Variants in SPON1 observed in about 807,000 individuals in gnomAD.
SPON1 encodes spondin-1.
SPON1 carries 52 observed loss-of-function variants against 111.7 expected under a neutral mutation model. The ratio of observed to expected loss-of-function variants is 0.47; its 90% CI spans 0.37 to 0.59. The LOEUF is 0.59. Among genes scored for constraint, SPON1 ranks in the 20% least tolerant of loss-of-function variants. The probability of loss-of-function intolerance (pLI) is 0.00; values close to 1 mark genes in which losing one functional copy is unlikely to be tolerated. For missense variants in SPON1, 957 were observed against 1,068.5 expected, an observed-to-expected ratio of 0.90 and a Z score of 1.46; for synonymous variants, 410 against 395.8, an observed-to-expected ratio of 1.04 and a Z score of -0.43.
chr11:14,235,678 C>CAAAAAAA (rs56925967), intron 6 of SPON1, among the ~76,000 whole-genome samples: 32 of 71,388 alleles, frequency 4.5e-4, no homozygotes, highest in African/African-American at 1.6e-3. Context: ...GACCCTGCCT[C>CAAAAAAA]AAAAAAAAAA....
At chr11:14,071,018 TC>T (rs1185626260) in intron 3 of SPON1, among the ~76,000 whole-genome samples, 1 of 152,132 alleles carries the variant, frequency 6.6e-6, no homozygotes, top group Non-Finnish European at 1.5e-5. Flanking sequence ...AAGAGAGCAT[TC>T]AGTATATAAA....
Position 14,079,898 on chromosome 11 carries a change from G to A in SPON1, c.554-1G>A. 6.2e-7 allele frequency: 1 copy of A among 1,613,906 alleles called. No homozygotes were observed. Among genetic ancestry groups the A allele is most frequent in the Non-Finnish European group, 8.5e-7 (1 of 1,179,866 alleles). On this transcript the variant is annotated splice_acceptor_variant, in intron 4 of 15. Transcript: ENST00000576479. LOFTEE classifies it high-confidence loss of function. ...CTTGGTGACTTTTCTGACTGTTTCAGATTCCACATTTGATGGGGTGACTGA... is the reference window on the plus strand; with the variant it reads ...CTTGGTGACTTTTCTGACTGTTTCAAATTCCACATTTGATGGGGTGACTGA...
At chr11:14,134,045 T>TC (rs11457124) in intron 5 of SPON1, among the ~76,000 whole-genome samples, 2,241 of 151,146 alleles carry the variant, frequency 0.015, 56 homozygotes, top group African/African-American at 0.051. Context: ...TTTCTTTCTT[T>TC]TTTTTTTTTT....
intron 7 of SPON1, among the ~76,000 whole-genome samples, chr11:14,247,233 C>T (rs1285723727): frequency 6.6e-6 from 1 of 152,064 alleles, no homozygotes; most frequent in Non-Finnish European, 1.5e-5. Context: ...CAAAGCAAGA[C>T]CCCCATCTCT....
intron 3 of SPON1, among the ~76,000 whole-genome samples, chr11:14,065,811 T>C (rs1267487103): frequency 6.6e-6 from 1 of 152,168 alleles, no homozygotes; most frequent in East Asian, 1.9e-4. Flanking sequence ...TCAAACAAAA[T>C]TTCATCATCC....
At chr11:14,200,397 T>C (rs782720952) in intron 6 of SPON1, among the ~76,000 whole-genome samples, 3 of 152,238 alleles carry the variant, frequency 2.0e-5, no homozygotes, top group Non-Finnish European at 4.4e-5. Context: ...ATCATTTTCT[T>C]TCCATCAAAG....
intron 6 of SPON1, among the ~76,000 whole-genome samples, chr11:14,158,585 G>A (rs1274857953): frequency 2.6e-5 from 4 of 152,130 alleles, no homozygotes; most frequent in African/African-American, 9.7e-5. Context: ...TGTGGCTGAT[G>A]AAAAAGCCAG....
chr11:14,172,263 T>C (rs1484604087), intron 6 of SPON1, among the ~76,000 whole-genome samples: 2 of 151,970 alleles, frequency 1.3e-5, no homozygotes, highest in African/African-American at 4.8e-5. Flanking sequence ...TCTTTGTCTC[T>C]TTTGATCTTT....
chr11:14,079,799 C>T (rs1554921862), intron 4 of SPON1, 100 bp from the exon 5 acceptor site: 1 of 1,319,200 alleles, frequency 7.6e-7, no homozygotes, highest in Non-Finnish European at 1.1e-6. Context: ...GCTGCATCTT[C>T]TTTTCCTAAG....
At chr11:13,968,594 C>T (rs553086897) in intron 1 of SPON1, among the ~76,000 whole-genome samples, 2 of 152,108 alleles carry the variant, frequency 1.3e-5, no homozygotes, top group South Asian at 4.2e-4. Flanking sequence ...TTAATGGATA[C>T]CTGGTAACAA....
At chr11:14,029,887 A>G (rs1367728375) in intron 2 of SPON1, among the ~76,000 whole-genome samples, 5 of 152,188 alleles carry the variant, frequency 3.3e-5, no homozygotes, top group African/African-American at 1.2e-4. Context: ...GGTAGATGCT[A>G]TTATCAGTCC....
chr11:14,008,876 A>G (rs1487150183), intron 2 of SPON1, among the ~76,000 whole-genome samples: 1 of 152,170 alleles, frequency 6.6e-6, no homozygotes, highest in African/African-American at 2.4e-5. Flanking sequence ...CTTACAACAA[A>G]CAAAATTCCA....
chr11:14,112,344 A>G (rs1849232638), intron 5 of SPON1, among the ~76,000 whole-genome samples: 1 of 152,210 alleles, frequency 6.6e-6, no homozygotes, highest in African/African-American at 2.4e-5. Context: ...GCAACCCAGC[A>G]TTGTACCAAT....
intron 5 of SPON1, among the ~76,000 whole-genome samples, chr11:14,085,361 A>G (rs1334992672): frequency 1.3e-5 from 2 of 152,220 alleles, no homozygotes; most frequent in Non-Finnish European, 2.9e-5. Context: ...TGTTTTATGC[A>G]TATGGCTAGG....
chr11:13,985,310 T>C (rs1332464822), intron 2 of SPON1, among the ~76,000 whole-genome samples: 1 of 152,242 alleles, frequency 6.6e-6, no homozygotes, highest in Admixed American at 6.5e-5. Flanking sequence ...ATGCCTAGCA[T>C]ATGATAACGA....
chr11:14,232,901 G>C (rs1460315102), intron 6 of SPON1, among the ~76,000 whole-genome samples: 4 of 152,130 alleles, frequency 2.6e-5, no homozygotes, highest in Non-Finnish European at 5.9e-5. Flanking sequence ...TGGCAGGGGG[G>C]GCAGTAGGGC....
At chr11:14,081,960 T>C (rs1317529235) in intron 5 of SPON1, among the ~76,000 whole-genome samples, 1 of 152,218 alleles carries the variant, frequency 6.6e-6, no homozygotes, top group Non-Finnish European at 1.5e-5. Flanking sequence ...CAGCCTGATC[T>C]GCATCAGCTG....
intron 7 of SPON1, among the ~76,000 whole-genome samples, chr11:14,249,370 A>C (rs567663716): frequency 3.3e-4 from 50 of 152,314 alleles, no homozygotes; most frequent in African/African-American, 1.2e-3. Flanking sequence ...TGGGCTTTGG[A>C]CAGAGAAGCA....
intron 6 of SPON1, among the ~76,000 whole-genome samples, chr11:14,165,742 G>A (rs1848022020): frequency 6.6e-6 from 1 of 152,164 alleles, no homozygotes. Flanking sequence ...TCTGTCTCCA[G>A]TCCCCATTTT....
Sources: gnomAD v4.1 joint callset for allele counts (sites outside exome capture counted in the v4.1 genomes callset) on GRCh38, gnomAD v4.1.1 for gene constraint, MANE v1.5 for transcripts, NCBI Gene and HGNC (gene_info 2026-07-23, HGNC 2026-07-21) for gene names.